Variants in CACNA1E observed in about 807,000 individuals in gnomAD.
CACNA1E encodes the protein calcium voltage-gated channel subunit alpha1 E, also known as voltage-dependent R-type calcium channel subunit alpha-1E.
In CACNA1E, 40 loss-of-function variants were observed where a neutral mutation model predicts 259.2. The observed-to-expected ratio is 0.15, with a 90% CI of 0.12 to 0.20. The LOEUF is 0.20. Among genes scored for constraint, CACNA1E ranks in the 10% least tolerant of loss-of-function variants. The probability of loss-of-function intolerance (pLI) is 1.00; values close to 1 mark genes in which losing one functional copy is unlikely to be tolerated. For synonymous variants in CACNA1E, 1,104 were observed against 1,138.5 expected, an observed-to-expected ratio of 0.97 and a Z score of 0.61; for missense variants, 1,874 against 3,040.1, an observed-to-expected ratio of 0.62 and a Z score of 9.02.
chr1:181,520,813 T>C (rs1301066012), intron 3 of CACNA1E, among the ~76,000 whole-genome samples: 1 of 151,972 alleles, frequency 6.6e-6, no homozygotes, highest in Non-Finnish European at 1.5e-5. Context: ...ACAAGGAAAA[T>C]GTTACATTTT....
chr1:181,781,457 A>C lies in CACNA1E; in HGVS notation c.5298A>C (p.Glu1766Asp). 2 of 1,595,692 alleles carry C rather than the reference A, an allele frequency of 1.3e-6. No homozygotes were observed. Among genetic ancestry groups the C allele is most frequent in the Non-Finnish European group, 1.7e-6 (2 of 1,169,204 alleles). The part of the protein sequence containing the change: ...CGRIHYTEMY[E>D]MLTLMSPPLG... ...GCATCCATTACACTGAGATGTATGA[A>C]ATGCTGACTCTCATGTCACCTCCGC... Residue 1766 changes from glutamate (E) to aspartate (D), a missense_variant, in exon 39 of 48, where the codon GAA becomes GAC. Glu to Asp is a conservative substitution (Grantham distance 45). Coordinates refer to ENST00000367573, the MANE Select transcript of CACNA1E (RefSeq NM_001205293.3).
chr1:181,448,751 G>A (rs535109728), intron 2 of CACNA1E, among the ~76,000 whole-genome samples: 3 of 152,360 alleles, frequency 2.0e-5, no homozygotes, highest in Admixed American at 1.3e-4. Flanking sequence ...GTGGCTTAAA[G>A]TGGAACCAGG....
At chr1:181,392,746 C>G (rs1016883069) in intron 1 of CACNA1E, among the ~76,000 whole-genome samples, 1 of 152,086 alleles carries the variant, frequency 6.6e-6, no homozygotes, top group African/African-American at 2.4e-5. Context: ...TCATTGGAAC[C>G]AAATGTGAGA....
At chr1:181,607,564 C>T (rs1654351886) in intron 6 of CACNA1E, among the ~76,000 whole-genome samples, 1 of 152,156 alleles carries the variant, frequency 6.6e-6, no homozygotes, top group Admixed American at 6.5e-5. Flanking sequence ...CTGGCCATGG[C>T]TCTTATTCTC....
chr1:181,428,941 G>A (rs373242337), intron 2 of CACNA1E, among the ~76,000 whole-genome samples: 2 of 152,186 alleles, frequency 1.3e-5, no homozygotes, highest in Admixed American at 1.3e-4. Context: ...CAGCACTTTG[G>A]GAGGTTGAAG....
At chr1:181,494,347 C>T (rs756012345) in intron 1 of CACNA1E, among the ~76,000 whole-genome samples, 6 of 150,026 alleles carry the variant, frequency 4.0e-5, no homozygotes, top group African/African-American at 1.2e-4. Context: ...AGTGGCATTC[C>T]GTTTCTGACT....
At chr1:181,431,930 G>A (rs1411846222) in intron 2 of CACNA1E, among the ~76,000 whole-genome samples, 1 of 152,160 alleles carries the variant, frequency 6.6e-6, no homozygotes, top group Non-Finnish European at 1.5e-5. Context: ...TCAGGAGGAG[G>A]CAGCCTGGGC....
intron 8 of CACNA1E, among the ~76,000 whole-genome samples, chr1:181,712,200 A>T (rs1013470965): frequency 6.6e-6 from 1 of 152,208 alleles, no homozygotes; most frequent in Admixed American, 6.5e-5. Context: ...GAAGGGCATC[A>T]ATCACCCCCA....
chr1:181,521,611 C>T (rs926107877), intron 3 of CACNA1E, among the ~76,000 whole-genome samples: 17 of 152,180 alleles, frequency 1.1e-4, no homozygotes, highest in African/African-American at 4.1e-4. Context: ...AGGGACGCAG[C>T]ACTGGATGGA....
intron 7 of CACNA1E, among the ~76,000 whole-genome samples, chr1:181,656,407 TA>T (rs905577031): frequency 6.6e-6 from 1 of 151,976 alleles, no homozygotes; most frequent in East Asian, 1.9e-4. Context: ...TTTTAAAAAG[TA>T]AAAAAGTAAA....
intron 1 of CACNA1E, among the ~76,000 whole-genome samples, chr1:181,341,098 C>A (rs566689512): frequency 1.3e-5 from 2 of 152,092 alleles, no homozygotes; most frequent in Non-Finnish European, 2.9e-5. Flanking sequence ...AAGTTACTCC[C>A]GCGTCCTGAT....
In CACNA1E at chr1:181,804,071, T is replaced by C. The variant is rs1057033638; in HGVS notation, c.*5237T>C. 2 of 152,230 alleles carry C rather than the reference T, an allele frequency of 1.3e-5. No individual in the cohort carries two copies. The highest frequency in any genetic ancestry group is 4.8e-5 in the African/African-American group (2 of 41,450). The allele number at this position is 152,230 out of a possible 1,614,324, so 9.4% of individuals were successfully genotyped here. On this transcript the variant is annotated 3_prime_UTR_variant, in exon 48 of 48. Coordinates refer to ENST00000367573, the MANE Select transcript of CACNA1E (RefSeq NM_001205293.3). Reference sequence around the variant, plus strand: ...AGCCATGCTACCTGTAAATACATTATTGAGGTTTGCATTTTTATTTTTGGA... The same window carrying C: ...AGCCATGCTACCTGTAAATACATTACTGAGGTTTGCATTTTTATTTTTGGA...
At chr1:181,520,227 C>G (rs1270980771) in intron 3 of CACNA1E, among the ~76,000 whole-genome samples, 1 of 152,084 alleles carries the variant, frequency 6.6e-6, no homozygotes, top group Non-Finnish European at 1.5e-5. Flanking sequence ...GTCACTTGCT[C>G]AAGGTCAAAT....
intron 17 of CACNA1E, among the ~76,000 whole-genome samples, chr1:181,725,546 G>T (rs138344637): frequency 1.8e-3 from 272 of 152,346 alleles, no homozygotes; most frequent in African/African-American, 6.2e-3. Flanking sequence ...ATCACATAGA[G>T]GGGACACTTG....
intron 6 of CACNA1E, among the ~76,000 whole-genome samples, chr1:181,645,413 G>A (rs1352200019): frequency 6.6e-6 from 1 of 152,152 alleles, no homozygotes; most frequent in African/African-American, 2.4e-5. Flanking sequence ...TTCATTCTGA[G>A]AGGGCGTTCC....
chr1:181,346,014 C>G (rs1158406360), intron 1 of CACNA1E, among the ~76,000 whole-genome samples: 5 of 152,202 alleles, frequency 3.3e-5, no homozygotes, highest in African/African-American at 1.2e-4. Flanking sequence ...AGATGGCCAA[C>G]CGGACGTGCA....
intron 2 of CACNA1E, among the ~76,000 whole-genome samples, chr1:181,454,493 C>A (rs1232137204): frequency 6.6e-6 from 1 of 152,118 alleles, no homozygotes; most frequent in Non-Finnish European, 1.5e-5. Flanking sequence ...AGGGGGTGGC[C>A]CTGTCTTGAC....
intron 1 of CACNA1E, among the ~76,000 whole-genome samples, chr1:181,412,563 C>CA (rs111792171): frequency 0.029 from 4,097 of 141,614 alleles, 86 homozygotes; most frequent in African/African-American, 0.054. Flanking sequence ...GATCCTATCT[C>CA]AAAAAAAAAA....
At chr1:181,603,773 A>G (rs1025673948) in intron 6 of CACNA1E, among the ~76,000 whole-genome samples, 1 of 152,176 alleles carries the variant, frequency 6.6e-6, no homozygotes, top group Non-Finnish European at 1.5e-5. Context: ...GGACTAATCT[A>G]TAGTTCTCAG....
Sources: allele counts gnomAD v4.1 joint callset (sites outside exome capture counted in the v4.1 genomes callset), GRCh38; gene constraint gnomAD v4.1.1; transcripts MANE v1.5; gene names NCBI Gene and HGNC (gene_info 2026-07-23, HGNC 2026-07-21).